The following TBC1D19 variants were observed in gnomAD, a reference collection of about 807,000 sequenced individuals.
The protein encoded by TBC1D19 is TBC1 domain family member 19, also known as TBC1 domain family, member 19.
A neutral mutation model predicts 89.0 loss-of-function variants in TBC1D19; 60 were observed. The observed-to-expected ratio is 0.67, with a 90% CI of 0.55 to 0.84. The LOEUF is 0.84. Ranked by LOEUF, TBC1D19 falls within the 40% of genes least tolerant of loss-of-function variation. The probability of loss-of-function intolerance (pLI) is 0.00; values close to 1 mark genes in which losing one functional copy is unlikely to be tolerated. For synonymous variants in TBC1D19, 189 were observed against 199.7 expected (o/e 0.95, Z 0.45); for missense variants, 500 against 610.8 (o/e 0.82, Z 1.91).
chr4:26,854,025 C>A, the TBC1D19 span, among the ~76,000 whole-genome samples: 6 of 152,168 alleles, frequency 3.9e-5, no homozygotes, highest in Non-Finnish European at 1.5e-5. Flanking sequence ...TTCTGAAACA[C>A]CTTTGTGTAA....
rs1051142224 is a variant in TBC1D19, at chr4:26,740,105, T to C, written c.1227+132T>C. 11 of 468,724 alleles carry C rather than the reference T, an allele frequency of 2.3e-5. No individual in the cohort carries two copies. The Admixed American group carries it at 3.3e-4, about 14-fold the overall frequency. 29.0% of individuals were successfully genotyped at this position (468,724 alleles called of 1,614,324 possible). A position where few individuals can be genotyped will look rare whatever the true frequency, so the allele number is the denominator to read the frequency against. On this transcript the variant is annotated intron_variant, in intron 17 of 20. Transcript: ENST00000264866. ...TTTGTGATGTCAAGCAATGTGTTTT[T>C]ATTGCAAAAATGACAGAGAAGATGA...
chr4:26,817,981 A>AAAATATATATATAT, the TBC1D19 span, among the ~76,000 whole-genome samples: 2 of 126,080 alleles, frequency 1.6e-5, no homozygotes, highest in African/African-American at 7.4e-5. Context: ...AAAAAAAAAA[A>AAAATATATATATAT]ATATATATAT....
upstream of TBC1D19, among the ~76,000 whole-genome samples, chr4:26,583,064 G>A (rs140765403): frequency 4.8e-3 from 724 of 152,268 alleles, 5 homozygotes; most frequent in Middle Eastern, 6.8e-3. Context: ...AGTTAGTCTA[G>A]AGTAGCTTTT....
At chr4:26,826,112 G>A in the TBC1D19 span, among the ~76,000 whole-genome samples, 1 of 152,218 alleles carries the variant, frequency 6.6e-6, no homozygotes, top group Non-Finnish European at 1.5e-5. Flanking sequence ...TGAGACAGGA[G>A]AATTGCTTGA....
At chr4:26,699,440 T>G (rs1325301439) in intron 13 of TBC1D19, among the ~76,000 whole-genome samples, 4 of 152,294 alleles carry the variant, frequency 2.6e-5, no homozygotes, top group South Asian at 4.1e-4. Context: ...TCAACCATTG[T>G]GGAAGATAGT....
upstream of TBC1D19, among the ~76,000 whole-genome samples, chr4:26,579,222 G>A (rs1322944682): frequency 1.3e-5 from 2 of 152,164 alleles, no homozygotes; most frequent in Non-Finnish European, 2.9e-5. Context: ...TCATATCCCA[G>A]TACCACTCTC....
chr4:26,690,394 G>A (rs748384957), intron 13 of TBC1D19, among the ~76,000 whole-genome samples: 2 of 152,224 alleles, frequency 1.3e-5, no homozygotes, highest in Non-Finnish European at 2.9e-5. Flanking sequence ...AGATTTTTCA[G>A]TGTAGATGAA....
chr4:26,626,175 T>A (rs563553533), intron 4 of TBC1D19, among the ~76,000 whole-genome samples: 1 of 152,182 alleles, frequency 6.6e-6, no homozygotes, highest in Non-Finnish European at 1.5e-5. Context: ...AATTTTGTTG[T>A]GCACAAATTA....
chr4:26,831,854 G>A, the TBC1D19 span, among the ~76,000 whole-genome samples: 15 of 152,086 alleles, frequency 9.9e-5, no homozygotes, highest in African/African-American at 3.6e-4. Flanking sequence ...GCAGATCAAA[G>A]TGCTGGGATT....
At chr4:26,858,291 A>G in the TBC1D19 span, 1 of 152,200 alleles carries the variant, frequency 6.6e-6, no homozygotes, top group Non-Finnish European at 1.5e-5. Flanking sequence ...TGAAAAAAAA[A>G]AAAGGCATAT....
intron 10 of TBC1D19, among the ~76,000 whole-genome samples, chr4:26,673,446 T>TATATATATATACACACACACAC (rs373807642): frequency 2.0e-4 from 18 of 90,870 alleles, no homozygotes; most frequent in East Asian, 6.7e-4. Context: ...TATATATATA[T>TATATATATATACACACACACAC]ACACACACAC....
chr4:26,791,650 C>T, the TBC1D19 span, among the ~76,000 whole-genome samples: 2 of 152,144 alleles, frequency 1.3e-5, no homozygotes, highest in Non-Finnish European at 2.9e-5. Flanking sequence ...ATATTTGGAA[C>T]ATAAAGCCGA....
intron 7 of TBC1D19, among the ~76,000 whole-genome samples, chr4:26,647,402 T>A (rs1744051360): frequency 6.6e-6 from 1 of 152,216 alleles, no homozygotes. Flanking sequence ...TCACATGTAA[T>A]CCTATTATAT....
the TBC1D19 span, among the ~76,000 whole-genome samples, chr4:26,820,934 C>T: frequency 6.6e-6 from 1 of 152,228 alleles, no homozygotes; most frequent in Non-Finnish European, 1.5e-5. Context: ...GTGCCCAGAA[C>T]ATCACCTGGA....
the TBC1D19 span, among the ~76,000 whole-genome samples, chr4:26,767,113 T>G: frequency 1.3e-5 from 2 of 152,096 alleles, no homozygotes; most frequent in African/African-American, 4.8e-5. Flanking sequence ...AAGGCTGTAA[T>G]GAGTCATGAT....
At chr4:26,780,555 A>T in the TBC1D19 span, among the ~76,000 whole-genome samples, 4 of 152,344 alleles carry the variant, frequency 2.6e-5, no homozygotes, top group African/African-American at 9.6e-5. Context: ...TTCATTTCCC[A>T]GATGAGGTGG....
the TBC1D19 span, among the ~76,000 whole-genome samples, chr4:26,792,107 T>A: frequency 1.1e-4 from 16 of 152,074 alleles, no homozygotes; most frequent in African/African-American, 1.9e-4. Context: ...GTCCTGGAAG[T>A]CAATGAAGAG....
chr4:26,657,081 A>G (rs1192544500), intron 7 of TBC1D19, among the ~76,000 whole-genome samples: 1 of 104,076 alleles, frequency 9.6e-6, no homozygotes, highest in Non-Finnish European at 2.0e-5. Context: ...CTTCTTCTTC[A>G]TTTATTTATT....
chr4:26,804,584 C>T, the TBC1D19 span, among the ~76,000 whole-genome samples: 1 of 152,178 alleles, frequency 6.6e-6, no homozygotes, highest in Admixed American at 6.5e-5. Context: ...GTCAAAGAGC[C>T]CAGAAGCGAA....
Sources: allele counts gnomAD v4.1 joint callset (sites outside exome capture counted in the v4.1 genomes callset), GRCh38; gene constraint gnomAD v4.1.1; transcripts MANE v1.5; gene names NCBI Gene and HGNC (gene_info 2026-07-23, HGNC 2026-07-21).